The following UBTF variants were observed in gnomAD, a reference collection of about 807,000 sequenced individuals.
UBTF encodes nucleolar transcription factor 1.
Under a neutral mutation model 112.3 loss-of-function variants are expected in UBTF, and 8 were observed. The observed-to-expected ratio is 0.07, with a 90% CI of 0.04 to 0.13. The LOEUF is 0.13. UBTF is among the 10% of genes least tolerant of loss of function. UBTF has a pLI of 1.00. For synonymous variants in UBTF, 417 were observed against 373.1 expected, an observed-to-expected ratio of 1.12 and a Z score of -1.36; for missense variants, 457 against 982.1, an observed-to-expected ratio of 0.47 and a Z score of 7.15.
At chr17:44,209,162 G>A (rs1452990837) in intron 17 of UBTF, 190 bp downstream of exon 17, 2 of 562,026 alleles carry the variant, frequency 3.6e-6, no homozygotes, top group East Asian at 3.4e-5. Flanking sequence ...GAGCAAGACT[G>A]TCTCAAAAAA....
Position 44,207,074 on chromosome 17 carries a change from C to G in UBTF, c.*168G>C. The G allele has an allele frequency of 1.4e-6, 1 of 738,706 alleles. No individual in the cohort carries two copies. The highest frequency in any genetic ancestry group is 1.9e-5 in the South Asian group (1 of 52,924). 45.8% of individuals were successfully genotyped at this position (738,706 alleles called of 1,614,324 possible). A position where few individuals can be genotyped will look rare whatever the true frequency, so the allele number is the denominator to read the frequency against. On this transcript the variant is annotated 3_prime_UTR_variant, in exon 21 of 21. Transcript: ENST00000436088. ...TGAGGCTGCAGAGTCCTGGCCTGGGCTCCTCCAGCCCCCTACCCCCACCGT... is the reference window on the plus strand; with the variant it reads ...TGAGGCTGCAGAGTCCTGGCCTGGGGTCCTCCAGCCCCCTACCCCCACCGT...
rs1474551826 is a variant in UBTF at position 44,209,678 on chromosome 17, A to G, written c.1682T>C (p.Met561Thr). The change falls in exon 16 of 21, where the codon ATG (methionine) becomes ACG (threonine). Residue 561 changes from methionine to threonine, a missense_variant. Transcript: ENST00000436088. ...CTTCTTGGGTTCTCCCTGGAATTTC[A>G]TCTTCTTGGAAGAATTTGTAGCAGC... The part of the protein sequence containing the change: ...PPAATNSSKK[M>T]KFQGEPKKPP... 4 of 1,613,938 alleles carry G rather than the reference A, an allele frequency of 2.5e-6. No homozygotes were observed. The highest frequency in any genetic ancestry group is 3.4e-6 in the Non-Finnish European group (4 of 1,180,010).
chr17:44,217,746 G>A (rs1303958150), intron 2 of UBTF, among the ~76,000 whole-genome samples: 1 of 152,130 alleles, frequency 6.6e-6, no homozygotes, highest in East Asian at 1.9e-4. Context: ...ATGGCTTGGG[G>A]CCTAAAACCA....
rs1029477395 is a variant in UBTF at position 44,212,849 on chromosome 17, C to T, written c.630G>A (p.Glu210=). The part of the protein sequence containing the change: ...KTPQQLWYTH[E]KKVYLKVRPD... The stretch of plus-strand genomic sequence containing the variant: ...GCCGCACTTTGAGATACACCTTCTT[C>T]TCGTGGGTGTACCACAGCTGCTGGG... The change falls in exon 7 of 21, where the codon GAG becomes GAA. Residue 210 remains glutamate (E), a synonymous_variant. Transcript: ENST00000436088. 1.9e-6 allele frequency: 3 copies of T among 1,614,158 alleles called. No homozygotes were observed. The highest frequency in any genetic ancestry group is 2.5e-6 in the Non-Finnish European group (3 of 1,179,990).
intron 2 of UBTF, among the ~76,000 whole-genome samples, chr17:44,217,151 C>G (rs536018325): frequency 1.9e-4 from 29 of 152,304 alleles, no homozygotes; most frequent in Middle Eastern, 3.4e-3. Flanking sequence ...TCTAAATGTG[C>G]AACGACTGAG....
intron 7 of UBTF, 51 bp from the exon 8 acceptor site, chr17:44,212,505 G>GGGGGGAA (rs764972699): frequency 6.7e-6 from 7 of 1,049,116 alleles, no homozygotes; most frequent in African/African-American, 3.1e-5. Context: ...GGCAGGGGGA[G>GGGGGGAA]GGGGGAAGGG....
Position 44,207,369 on chromosome 17 carries a change from TG to T in UBTF, c.2170-3del, listed in dbSNP as rs751477710. ...TTCGTCCTCGTCATCCTCTTCATTC[TG>T]GGGGGTGAGAAAGGATGTGGAGTCA... is the stretch of plus-strand genomic sequence containing the variant. On this transcript the variant is annotated splice_polypyrimidine_tract_variant and splice_region_variant and intron_variant, in intron 20 of 20. Transcript: ENST00000436088. 15 of 1,613,022 alleles carry T rather than the reference TG, an allele frequency of 9.3e-6. No homozygotes were observed. The highest frequency in any genetic ancestry group is 1.3e-5 in the Non-Finnish European group (15 of 1,179,494).
At chr17:44,218,594 C>CA (rs71160095) in intron 1 of UBTF, 876 of 83,922 alleles carry the variant, frequency 0.01, 5 homozygotes, top group South Asian at 0.015. Flanking sequence ...CAACCCCAGC[C>CA]AAAAAAAAAA....
upstream of UBTF, chr17:44,219,842 C>T (rs1176370564): frequency 6.7e-6 from 1 of 150,342 alleles, no homozygotes; most frequent in Non-Finnish European, 1.5e-5. Context: ...GCAGCGAGCG[C>T]GTCCTTCCCC....
chr17:44,216,930 C>T (rs777917730), intron 2 of UBTF, among the ~76,000 whole-genome samples: 6 of 152,176 alleles, frequency 3.9e-5, no homozygotes, highest in Non-Finnish European at 5.9e-5. Flanking sequence ...AAGCCAGGCT[C>T]GAACTCAAGT....
chr17:44,216,169 T>C (rs1281204144), intron 3 of UBTF, 180 bp from the exon 4 acceptor site: 1 of 634,592 alleles, frequency 1.6e-6, no homozygotes, highest in East Asian at 2.7e-5. Context: ...GGCCCATGCC[T>C]ACCGCAGAGG....
intron 5 of UBTF, among the ~76,000 whole-genome samples, chr17:44,215,105 G>C: frequency 8.7e-6 from 1 of 115,122 alleles, no homozygotes; most frequent in South Asian, 2.3e-4. Flanking sequence ...ACACGTGTGC[G>C]TGGAGAAGTG....
intron 17 of UBTF, among the ~76,000 whole-genome samples, chr17:44,208,262 C>T (rs1050521599): frequency 1.3e-5 from 2 of 152,060 alleles, no homozygotes; most frequent in Non-Finnish European, 2.9e-5. Flanking sequence ...TGCCACCACA[C>T]CATGCTACCT....
chr17:44,213,123 G>A lies in UBTF; in HGVS notation c.539+95C>T, dbSNP rs1598248064. ...TCACATGTGACCCATCCTCTTCCAT[G>A]CCTCAGAGATGGCAAACTCAAGGCT... On this transcript the variant is annotated intron_variant, in intron 6 of 20. Transcript: ENST00000436088. The A allele has an allele frequency of 2.6e-6, 4 of 1,543,934 alleles. No individual in the cohort carries two copies. The East Asian group carries it at 9.0e-5, about 35-fold the overall frequency.
intron 1 of UBTF, chr17:44,218,503 G>GGC (rs1363754458): frequency 4.9e-6 from 2 of 410,614 alleles, no homozygotes; most frequent in African/African-American, 2.5e-5. Flanking sequence ...CCGGCTCCGC[G>GGC]GCGCGCGCCC....
At chr17:44,216,490 G>T in intron 3 of UBTF, 39 bp downstream of exon 3, 1 of 1,607,532 alleles carries the variant, frequency 6.2e-7, no homozygotes. Flanking sequence ...ACGCTGAGTG[G>T]GGGGTATGTG....
chr17:44,218,549 G>C (rs2046967302), intron 1 of UBTF: 1 of 236,648 alleles, frequency 4.2e-6, no homozygotes, highest in Non-Finnish European at 7.1e-6. Context: ...CCTAGCTCCC[G>C]CGTGCAGCGA....
Position 44,206,361 on chromosome 17 carries a change from C to T in UBTF, c.*881G>A, listed in dbSNP as rs2056237752. 6.6e-6 allele frequency: 1 copy of T among 151,584 alleles called. No homozygotes were observed. The highest frequency in any genetic ancestry group is 6.6e-5 in the Admixed American group (1 of 15,170). 9.4% of individuals were successfully genotyped at this position (151,584 alleles called of 1,614,324 possible). A position where few individuals can be genotyped will look rare whatever the true frequency, so the allele number is the denominator to read the frequency against. The stretch of plus-strand genomic sequence containing the variant: ...GTCAACATCTCCCGGCCCTCACCGA[C>T]CCTTTTTCCAGATTCACAACAAACT... On this transcript the variant is annotated 3_prime_UTR_variant, in exon 21 of 21. Coordinates refer to ENST00000436088, the MANE Select transcript of UBTF (RefSeq NM_014233.4).
intron 6 of UBTF, 98 bp from the exon 7 acceptor site, chr17:44,213,037 G>A: frequency 6.4e-7 from 1 of 1,564,158 alleles, no homozygotes; most frequent in Non-Finnish European, 8.7e-7. Context: ...CCTTTCAGCT[G>A]GGGCTCAGTG....
Sources: allele counts gnomAD v4.1 joint callset (sites outside exome capture counted in the v4.1 genomes callset), GRCh38; gene constraint gnomAD v4.1.1; transcripts MANE v1.5; gene names NCBI Gene and HGNC (gene_info 2026-07-23, HGNC 2026-07-21).